Variants in FRMD5 observed in about 807,000 individuals in gnomAD.
FRMD5 encodes FERM domain-containing protein 5.
FRMD5 carries 20 observed loss-of-function variants against 69.0 expected under a neutral mutation model. The observed-to-expected ratio is 0.29, with a 90% CI of 0.20 to 0.42. FRMD5 has a LOEUF of 0.42. Ranked by LOEUF, FRMD5 falls within the 10% of genes least tolerant of loss-of-function variation. FRMD5 has a pLI of 1.00. For synonymous variants in FRMD5, 271 were observed against 260.1 expected, an observed-to-expected ratio of 1.04 and a Z score of -0.40; for missense variants, 595 against 708.6, an observed-to-expected ratio of 0.84 and a Z score of 1.82.
chr15:43,958,393 G>C (rs776057070), intron 1 of FRMD5, among the ~76,000 whole-genome samples: 1 of 152,110 alleles, frequency 6.6e-6, no homozygotes, highest in Non-Finnish European at 1.5e-5. Flanking sequence ...AGGGGGAGAT[G>C]GTTCTGTAGC....
At chr15:43,901,748 TCCACTGCAGTTCCGTGCAGTGACTTATG>T (rs781767031) in intron 7 of FRMD5, among the ~76,000 whole-genome samples, 8 of 152,114 alleles carry the variant, frequency 5.3e-5, no homozygotes, top group East Asian at 1.9e-4. Context: ...TAAATGTGAC[TCCACTGCAGTTCCGTGCAGTGACTTATG>T]CCACTGCAGT....
chr15:43,994,326 T>C (rs1330688350), intron 1 of FRMD5, among the ~76,000 whole-genome samples: 1 of 152,212 alleles, frequency 6.6e-6, no homozygotes, highest in African/African-American at 2.4e-5. Context: ...GGTAACAACT[T>C]TGAATGCGTA....
chr15:43,948,090 C>T (rs981249511), intron 1 of FRMD5, among the ~76,000 whole-genome samples: 7 of 152,090 alleles, frequency 4.6e-5, no homozygotes, highest in Non-Finnish European at 1.0e-4. Flanking sequence ...ACCACAATCC[C>T]GCCCACTTAA....
At chr15:43,993,539 G>A (rs1024107607) in intron 1 of FRMD5, among the ~76,000 whole-genome samples, 3 of 152,212 alleles carry the variant, frequency 2.0e-5, no homozygotes, top group Non-Finnish European at 4.4e-5. Flanking sequence ...TGCTAGAGAA[G>A]AATGTATATG....
intron 1 of FRMD5, among the ~76,000 whole-genome samples, chr15:44,016,543 G>A (rs770360888): frequency 6.6e-5 from 10 of 152,042 alleles, no homozygotes; most frequent in South Asian, 2.1e-4. Flanking sequence ...GCCAACATGC[G>A]AAACCCTGTC....
At position 44,195,060 on chromosome 15, in the gene FRMD5, C is replaced by T; in HGVS notation, c.-6G>A. On this transcript the variant is annotated 5_prime_UTR_variant, in exon 1 of 14. Coordinates refer to ENST00000417257, the MANE Select transcript of FRMD5 (RefSeq NM_032892.5). ...CTCATCAACCTGCTCAGCATCTTCC[C>T]GCCCGCCCGCCCGGGAGCGACGCGG... is the stretch of plus-strand genomic sequence containing the variant. 1.3e-6 allele frequency: 2 copies of T among 1,489,778 alleles called. No individual in the cohort carries two copies. The highest frequency in any genetic ancestry group is 1.2e-5 in the South Asian group (1 of 80,082). 92.3% of individuals were successfully genotyped at this position (1,489,778 alleles called of 1,614,324 possible).
In FRMD5 at chr15:44,154,252, A is replaced by G. The variant is rs183132446; in HGVS notation, c.102+40701T>C. On this transcript the variant is annotated intron_variant, in intron 1 of 13. Transcript: ENST00000417257. ...GTGGGAGGATCAATTGAGCCTGGGG[A>G]GGTTGAGGCTGCAGTGAGCCATGAT... 3.9e-3 allele frequency among the ~76,000 whole-genome samples: 599 copies of G among 152,132 alleles called. 5 individuals carry two copies. The highest frequency in any genetic ancestry group is 0.013 in the African/African-American group (560 of 41,508).
At chr15:44,170,473 AGATCACACCACTG>A (rs2077782408) in intron 1 of FRMD5, among the ~76,000 whole-genome samples, 1 of 151,390 alleles carries the variant, frequency 6.6e-6, no homozygotes, top group African/African-American at 2.4e-5. Flanking sequence ...CAGTAAGCCG[AGATCACACCACTG>A]CTCTCCAGCC....
intron 1 of FRMD5, among the ~76,000 whole-genome samples, chr15:44,185,894 T>G (rs1157717451): frequency 1.3e-5 from 2 of 152,202 alleles, no homozygotes; most frequent in Non-Finnish European, 1.5e-5. Context: ...GATCCTTATG[T>G]GAATTCACTA....
At chr15:44,137,088 G>A (rs918264823) in intron 1 of FRMD5, among the ~76,000 whole-genome samples, 3 of 152,196 alleles carry the variant, frequency 2.0e-5, no homozygotes, top group Non-Finnish European at 2.9e-5. Flanking sequence ...GTAAGAGTTG[G>A]AGGAGGAGGT....
chr15:44,031,491 T>C (rs1037912141), intron 1 of FRMD5, among the ~76,000 whole-genome samples: 2 of 152,132 alleles, frequency 1.3e-5, no homozygotes, highest in Admixed American at 1.3e-4. Context: ...GGTTCATAGA[T>C]GGTGCCTTCT....
intron 1 of FRMD5, among the ~76,000 whole-genome samples, chr15:43,988,731 G>A (rs1889521379): frequency 6.6e-6 from 1 of 152,188 alleles, no homozygotes. Flanking sequence ...GTGGACACGG[G>A]AGAGGACTGG....
At chr15:43,968,849 A>G (rs2090333966) in intron 1 of FRMD5, among the ~76,000 whole-genome samples, 1 of 152,200 alleles carries the variant, frequency 6.6e-6, no homozygotes, top group South Asian at 2.1e-4. Flanking sequence ...AGGGAAAAAA[A>G]TACCTAGAAT....
At chr15:43,919,878 A>G in intron 2 of FRMD5, 69 bp from the exon 3 acceptor site, 1 of 1,373,998 alleles carries the variant, frequency 7.3e-7, no homozygotes, top group Middle Eastern at 1.8e-4. Flanking sequence ...TGTTTTCTCC[A>G]ACTTAAAAAA....
intron 1 of FRMD5, among the ~76,000 whole-genome samples, chr15:43,935,481 G>C (rs1299366581): frequency 6.6e-6 from 1 of 152,154 alleles, no homozygotes; most frequent in Admixed American, 6.5e-5. Context: ...GTGAAACTCT[G>C]TCTCAAATAA....
At chr15:43,913,717 C>G (rs2089331021) in intron 4 of FRMD5, among the ~76,000 whole-genome samples, 1 of 152,192 alleles carries the variant, frequency 6.6e-6, no homozygotes, top group African/African-American at 2.4e-5. Context: ...AATCTCTGAA[C>G]CTCAGAACAT....
chr15:44,100,100 C>T (rs898737765), intron 1 of FRMD5, among the ~76,000 whole-genome samples: 3 of 146,642 alleles, frequency 2.0e-5, no homozygotes, highest in Non-Finnish European at 3.0e-5. Flanking sequence ...CTTGCCCAGG[C>T]TGGAGTGTGG....
In FRMD5 at chr15:44,080,078, C is replaced by G. The variant is rs570333013; in HGVS notation, c.102+114875G>C. ...GTTGTTAATGCCACTGTACTTTATA[C>G]CTAAAAATGGTTAAAATGCTTATGT... On this transcript the variant is annotated intron_variant, in intron 1 of 13. Transcript: ENST00000417257. Among the ~76,000 whole-genome samples, 14 of 151,826 alleles carry G rather than the reference C, an allele frequency of 9.2e-5. No individual in the cohort carries two copies. In the South Asian group the frequency reaches 2.1e-3, roughly 23 times the overall value.
intron 1 of FRMD5, among the ~76,000 whole-genome samples, chr15:44,093,991 C>A (rs1219566429): frequency 6.6e-6 from 1 of 152,078 alleles, no homozygotes; most frequent in Non-Finnish European, 1.5e-5. Flanking sequence ...CTTGCAAGAA[C>A]CCTCTTTCTC....
Sources: allele counts gnomAD v4.1 joint callset (sites outside exome capture counted in the v4.1 genomes callset), GRCh38; gene constraint gnomAD v4.1.1; transcripts MANE v1.5; gene names NCBI Gene and HGNC (gene_info 2026-07-23, HGNC 2026-07-21).